Variants in FOXRED2 observed in about 807,000 individuals in gnomAD.
FOXRED2 encodes the protein FAD dependent oxidoreductase domain containing 2.
In FOXRED2, 32 loss-of-function variants were observed where a neutral mutation model predicts 52.5. The ratio of observed to expected loss-of-function variants is 0.61; its 90% CI spans 0.46 to 0.82. The LOEUF is 0.82. Ranked by LOEUF, FOXRED2 falls within the 40% of genes least tolerant of loss-of-function variation. FOXRED2 has a pLI of 0.00. For missense variants in FOXRED2, 848 were observed against 937.5 expected (o/e 0.90, Z 1.25); for synonymous variants, 405 against 398.1 (o/e 1.02, Z -0.21).
chr22:36,490,447 T>C (rs1398325973), intron 8 of FOXRED2, among the ~76,000 whole-genome samples, 180 bp from the exon 9 acceptor site: 1 of 152,224 alleles, frequency 6.6e-6, no homozygotes, highest in Non-Finnish European at 1.5e-5. Flanking sequence ...GAGTAGGTCA[T>C]GAATCATGAC....
At chr22:36,496,618 C>T (rs556837332) in intron 6 of FOXRED2, among the ~76,000 whole-genome samples, 4 of 152,296 alleles carry the variant, frequency 2.6e-5, no homozygotes, top group Non-Finnish European at 4.4e-5. Flanking sequence ...CGTGAGGAGT[C>T]GTCTGGCCCG....
chr22:36,501,440 C>T, intron 4 of FOXRED2, 33 bp from the exon 5 acceptor site: 1 of 1,608,186 alleles, frequency 6.2e-7, no homozygotes, highest in East Asian at 2.2e-5. Context: ...ATGAAAATAG[C>T]TGCTATGTAA....
Position 36,489,810 on chromosome 22 carries a change from G to C in FOXRED2, c.*198C>G, listed in dbSNP as rs571490858. ...GAGGATGCCCTTCTGCCCCCTGACA[G>C]GAGGGAGGAGACCACCGCATCCCCG... On this transcript the variant is annotated 3_prime_UTR_variant, in exon 9 of 9. Coordinates refer to ENST00000397224, the MANE Select transcript of FOXRED2 (RefSeq NM_001102371.2). 1.5e-4 allele frequency: 75 copies of C among 516,480 alleles called. No individual in the cohort carries two copies. The highest frequency in any genetic ancestry group is 2.4e-4 in the Non-Finnish European group (72 of 300,592). 32.0% of individuals were successfully genotyped at this position (516,480 alleles called of 1,614,324 possible).
chr22:36,500,728 C>T (rs543063807), intron 5 of FOXRED2, among the ~76,000 whole-genome samples: 6 of 151,668 alleles, frequency 4.0e-5, no homozygotes, highest in East Asian at 1.9e-4. Context: ...GGACTGCAGG[C>T]GCACGCCACC....
At chr22:36,500,493 G>C (rs775533769) in intron 5 of FOXRED2, among the ~76,000 whole-genome samples, 5 of 151,856 alleles carry the variant, frequency 3.3e-5, no homozygotes, top group Admixed American at 6.6e-5. Context: ...AGATATTTTA[G>C]TATTTTCTTT....
intron 8 of FOXRED2, among the ~76,000 whole-genome samples, chr22:36,493,432 C>G (rs1406624843): frequency 7.2e-6 from 1 of 138,700 alleles, no homozygotes; most frequent in Non-Finnish European, 1.5e-5. Flanking sequence ...GAGCGAGACT[C>G]CATCTCAAAA....
chr22:36,499,615 G>A (rs1402786801), intron 5 of FOXRED2, among the ~76,000 whole-genome samples: 1 of 152,102 alleles, frequency 6.6e-6, no homozygotes, highest in Admixed American at 6.6e-5. Context: ...AACAGGAAGA[G>A]ACGCTGTCTC....
At chr22:36,505,770 T>TA (rs373218799) in intron 2 of FOXRED2, 126 bp downstream of exon 2, 84,760 of 868,508 alleles carry the variant, frequency 0.098, 21 homozygotes, top group East Asian at 0.14. Context: ...GACTCCGTCT[T>TA]AAAAAAAAAA....
At position 36,496,160 on chromosome 22, in the gene FOXRED2, C is replaced by T. The variant is rs1933892264; in HGVS notation, c.1431G>A (p.Leu477=). The T allele has an allele frequency of 1.2e-6, 2 of 1,613,990 alleles. No individual in the cohort carries two copies. The highest frequency in any genetic ancestry group is 1.7e-6 in the Non-Finnish European group (2 of 1,180,028). ...EYLEEFPIQM[L]AQLETLTGRK... ...TCCCTGTGAGTGTCTCCAGCTGGGC[C>T]AGCATCTGTATGGGGAACTCCTCCA... is the stretch of plus-strand genomic sequence containing the variant. The change falls in exon 7 of 9, where the codon CTG becomes CTA. Residue 477 remains leucine, a synonymous_variant. Coordinates refer to ENST00000397224, the MANE Select transcript of FOXRED2 (RefSeq NM_001102371.2).
chr22:36,493,697 G>A lies in FOXRED2; in HGVS notation c.1731C>T (p.His577=), dbSNP rs776530236. The A allele has an allele frequency of 2.5e-6, 4 of 1,614,248 alleles. No individual in the cohort carries two copies. The highest frequency in any genetic ancestry group is 3.3e-5 in the Admixed American group (2 of 60,028). The part of the protein sequence containing the change: ...FLTDWTAPIG[H]ILPLRRFLEN... ...CCAGGAAGCGCCTCAGAGGTAGGAT[G>A]TGCCCGATCGGGGCAGTCCAGTCTG... The change falls in exon 8 of 9, where the codon CAC becomes CAT. Residue 577 remains histidine (H), a synonymous_variant. Transcript: ENST00000397224.
chr22:36,506,819 C>G, intron 1 of FOXRED2, 190 bp downstream of exon 1: 1 of 174,576 alleles, frequency 5.7e-6, no homozygotes. Context: ...CGGGTGGGAG[C>G]CTGAAGTGGG....
intron 8 of FOXRED2, among the ~76,000 whole-genome samples, chr22:36,491,718 C>G (rs117471857): frequency 2.0e-5 from 3 of 152,076 alleles, no homozygotes; most frequent in Admixed American, 6.6e-5. Flanking sequence ...TGCTGCCATG[C>G]GTCCATACAG....
rs1396052370 is a variant in FOXRED2 at position 36,506,331 on chromosome 22, C to T, written c.92G>A (p.Arg31Gln). ...CCCAGCGCCCAGCACGCAGTAGTCC[C>T]GGCGCGGGGGCACCGACAGCGCTGG... ...LHPALSVPPRRDYCVLGAGPA... is the reference protein window; with the variant it reads ...LHPALSVPPRQDYCVLGAGPA... The change falls in exon 2 of 9, where the codon CGG becomes CAG. Residue 31 changes from arginine to glutamine, a missense_variant. By Grantham distance (43) the Arg-to-Gln change is conservative (BLOSUM62 1). Transcript: ENST00000397224. The T allele has an allele frequency of 1.3e-6, 2 of 1,504,322 alleles. No individual in the cohort carries two copies. The highest frequency in any genetic ancestry group is 2.4e-5 in the East Asian group (1 of 41,208). The allele number at this position is 1,504,322 out of a possible 1,614,324, so 93.2% of individuals were successfully genotyped here.
At chr22:36,503,973 C>T in intron 4 of FOXRED2, 125 bp downstream of exon 4, 1 of 1,064,528 alleles carries the variant, frequency 9.4e-7, no homozygotes, top group Non-Finnish European at 1.4e-6. Context: ...GCAGCACTCA[C>T]ATCCATTCTT....
At chr22:36,490,330 G>A (rs2281086) in intron 8 of FOXRED2, 63 bp from the exon 9 acceptor site, 93,913 of 1,511,244 alleles carry the variant, frequency 0.062, 3,093 homozygotes, top group East Asian at 0.12. Flanking sequence ...GGTGCAGAAA[G>A]GGGAGCTGCC....
chr22:36,494,068 C>T (rs145908697), intron 7 of FOXRED2, among the ~76,000 whole-genome samples: 36 of 152,338 alleles, frequency 2.4e-4, no homozygotes, highest in Non-Finnish European at 3.4e-4. Context: ...GTGAGGCTGG[C>T]GTTTCCCTAA....
rs1555887319 is a variant in FOXRED2, at chr22:36,504,893, A to ACATTCATTCATTCATTTTT, written c.528-146_528-128dup. 60 of 923,642 alleles carry ACATTCATTCATTCATTTTT rather than the reference A, an allele frequency of 6.5e-5. No individual in the cohort carries two copies. The East Asian group carries it at 1.6e-3, about 24-fold the overall frequency. The allele number at this position is 923,642 out of a possible 1,614,324, so 57.2% of individuals were successfully genotyped here. On this transcript the variant is annotated intron_variant, in intron 2 of 8. Transcript: ENST00000397224. ...CCGCCGGCCCCTAAAAGAAAATAGG[A>ACATTCATTCATTCATTTTT]CATTCATTCATTCATTTTTCATTCA...
Position 36,488,047 on chromosome 22 carries a change from G to C in FOXRED2, c.*1961C>G, listed in dbSNP as rs551215478. 6.6e-6 allele frequency: 1 copy of C among 150,454 alleles called. No individual in the cohort carries two copies. Among genetic ancestry groups the C allele is most frequent in the African/African-American group, 2.4e-5 (1 of 40,846 alleles). The allele number at this position is 150,454 out of a possible 1,614,324, so 9.3% of individuals were successfully genotyped here. ...GCAGAAGTTGCAGTGAGCCGACATC[G>C]TGCCATTGCACTCCAGCCTGGGTGA... is the stretch of plus-strand genomic sequence containing the variant. On this transcript the variant is annotated 3_prime_UTR_variant, in exon 9 of 9. Transcript: ENST00000397224.
chr22:36,494,523 C>G (rs993955751), intron 7 of FOXRED2, among the ~76,000 whole-genome samples: 1 of 152,232 alleles, frequency 6.6e-6, no homozygotes, highest in African/African-American at 2.4e-5. Flanking sequence ...TGTGGGCTCC[C>G]TTCTGTGGTG....
Sources: allele counts gnomAD v4.1 joint callset (sites outside exome capture counted in the v4.1 genomes callset), GRCh38; gene constraint gnomAD v4.1.1; transcripts MANE v1.5; gene names NCBI Gene and HGNC (gene_info 2026-07-23, HGNC 2026-07-21).